Variants in BDP1 observed in about 807,000 individuals in gnomAD.
BDP1 encodes BDP1 general transcription factor IIIB subunit, also known as transcription factor TFIIIB component B'' homolog.
A neutral mutation model predicts 266.6 loss-of-function variants in BDP1; 169 were observed. The ratio of observed to expected loss-of-function variants is 0.63; its 90% confidence interval spans 0.56 to 0.72. The LOEUF is 0.72. BDP1 is among the 30% of genes least tolerant of loss of function. BDP1 has a pLI of 0.00. For synonymous variants in BDP1, 1,090 were observed against 1,022.4 expected, an observed-to-expected ratio of 1.07 and a Z score of -1.26; for missense variants, 3,015 against 3,053.8, an observed-to-expected ratio of 0.99 and a Z score of 0.30.
chr5:71,522,624 G>A, intron 23 of BDP1, 132 bp from the exon 24 acceptor site: 8 of 1,175,502 alleles, frequency 6.8e-6, no homozygotes, highest in Non-Finnish European at 9.6e-6. Context: ...TGACTTTCTA[G>A]TGTTGTAAAA....
In BDP1 at chr5:71,548,733, C is replaced by G. The variant is rs1742515004; in HGVS notation, c.6796C>G (p.Gln2266Glu). The change falls in exon 33 of 39, where the codon CAA becomes GAA. Residue 2266 changes from glutamine (Q) to glutamate (E), a missense_variant. Transcript: ENST00000358731. ...CCAACAAGAGAATATAATCAATCCTCAAGACCTAACAGGTATGATAATATG... is the reference window on the plus strand; with the variant it reads ...CCAACAAGAGAATATAATCAATCCTGAAGACCTAACAGGTATGATAATATG... Reference protein sequence around the residue: ...EVQQENIINPQDLTVNLVANV... With the variant: ...EVQQENIINPEDLTVNLVANV... 6.3e-7 allele frequency: 1 copy of G among 1,598,062 alleles called. No homozygotes were observed. Among genetic ancestry groups the G allele is most frequent in the South Asian group, 1.1e-5 (1 of 90,510 alleles).
At position 71,513,591 on chromosome 5, in the gene BDP1, A is replaced by G. The variant is rs572631515; in HGVS notation, c.4470+184A>G. Reference sequence around the variant, plus strand: ...CACATAATTTGTGTAAGAATCTCAGATATCTGATAATGGGCAAACGTGTTG... The same window carrying G: ...CACATAATTTGTGTAAGAATCTCAGGTATCTGATAATGGGCAAACGTGTTG... On this transcript the variant is annotated intron_variant, in intron 19 of 38. Coordinates refer to ENST00000358731, the MANE Select transcript of BDP1 (RefSeq NM_018429.3). 3.9e-5 allele frequency among the ~76,000 whole-genome samples: 6 copies of G among 152,244 alleles called. No homozygotes were observed. In the South Asian group the frequency reaches 1.2e-3, roughly 32 times the overall value.
rs774136753 is a variant in BDP1, at chr5:71,524,285, G to A, written c.5734G>A (p.Glu1912Lys). ...TGTACCTGTTGGTCTCAGATCTCCT[G>A]AACCTGTTTCTGCTCAGATTGAGGA... ...VFVPVGLRSP[E>K]PVSAQIEETM... The change falls in exon 25 of 39, where the codon GAA becomes AAA. Residue 1912 changes from glutamate (E) to lysine (K), a missense_variant. Physicochemically the swap from Glu to Lys is moderately conservative, Grantham distance 56. Transcript: ENST00000358731. The A allele has an allele frequency of 1.2e-6, 2 of 1,605,964 alleles. No homozygotes were observed. The highest frequency in any genetic ancestry group is 1.7e-6 in the Non-Finnish European group (2 of 1,173,114).
At chr5:71,487,563 C>T (rs531204226) in intron 9 of BDP1, among the ~76,000 whole-genome samples, 1 of 152,128 alleles carries the variant, frequency 6.6e-6, no homozygotes, top group African/African-American at 2.4e-5. Flanking sequence ...GTTTTAATCA[C>T]CAAGAAACAG....
chr5:71,513,079 A>T, intron 18 of BDP1, 106 bp from the exon 19 acceptor site: 3 of 719,274 alleles, frequency 4.2e-6, no homozygotes, highest in South Asian at 4.2e-5. Context: ...AAAAAAAAAA[A>T]AAAAAAAAAT....
In BDP1 at chr5:71,479,569, C is replaced by T. The variant is rs993195855; in HGVS notation, c.1015-4273C>T. Among the ~76,000 whole-genome samples the T allele has an allele frequency of 3.4e-5, 5 of 149,032 alleles. No individual in the cohort carries two copies. In the South Asian group the frequency reaches 6.4e-4, roughly 19 times the overall value. ...TTTTTCTTTTTCTTTTTTTTTGAGGCGGAGTCTCGCTCTTTTGCCCAGGCC... is the reference window on the plus strand; with the variant it reads ...TTTTTCTTTTTCTTTTTTTTTGAGGTGGAGTCTCGCTCTTTTGCCCAGGCC... On this transcript the variant is annotated intron_variant, in intron 7 of 38. Coordinates refer to ENST00000358731, the MANE Select transcript of BDP1 (RefSeq NM_018429.3).
chr5:71,563,182 C>G (rs1048584829), intron 38 of BDP1, among the ~76,000 whole-genome samples: 11 of 152,146 alleles, frequency 7.2e-5, no homozygotes, highest in African/African-American at 1.7e-4. Flanking sequence ...CTCACTCACT[C>G]TGTCACCCAG....
At chr5:71,537,141 CAAAAAACCA>C (rs1232851699) in intron 26 of BDP1, among the ~76,000 whole-genome samples, 2 of 46,162 alleles carry the variant, frequency 4.3e-5, no homozygotes, top group East Asian at 5.7e-4. Flanking sequence ...GCCAAAAAAC[CAAAAAACCA>C]AAAAAAAAAA....
chr5:71,577,866 C>T, the BDP1 span, among the ~76,000 whole-genome samples: 45 of 152,186 alleles, frequency 3.0e-4, no homozygotes, highest in Non-Finnish European at 6.0e-4. Flanking sequence ...AGAATGAAAG[C>T]TACCCAGCCT....
At chr5:71,480,666 A>C (rs947622068) in intron 7 of BDP1, among the ~76,000 whole-genome samples, 1 of 151,024 alleles carries the variant, frequency 6.6e-6, no homozygotes, top group African/African-American at 2.4e-5. Flanking sequence ...TCCTGGGTTC[A>C]GGTGATTCTT....
At chr5:71,476,582 C>T (rs535825523) in intron 7 of BDP1, among the ~76,000 whole-genome samples, 1 of 151,940 alleles carries the variant, frequency 6.6e-6, no homozygotes, top group East Asian at 1.9e-4. Flanking sequence ...GCTCTGTCAT[C>T]CAGGCTGGAG....
At chr5:71,480,277 A>ATTTTTTTTTTTT (rs552593030) in intron 7 of BDP1, among the ~76,000 whole-genome samples, 11 of 105,012 alleles carry the variant, frequency 1.0e-4, no homozygotes, top group African/African-American at 3.3e-4. Flanking sequence ...TGCCCAGCTA[A>ATTTTTTTTTTTT]TTTTTTTTTT....
intron 3 of BDP1, among the ~76,000 whole-genome samples, chr5:71,463,668 A>G (rs1761710168): frequency 6.6e-6 from 1 of 151,936 alleles, no homozygotes; most frequent in South Asian, 2.1e-4. Context: ...CAAAAAATTA[A>G]AAGACAAAAA....
In BDP1 at chr5:71,544,397, TA is replaced by T; in HGVS notation, c.6458del (p.Asn2153ThrfsTer31). On this transcript the variant is annotated frameshift_variant, in exon 31 of 39. Coordinates refer to ENST00000358731, the MANE Select transcript of BDP1 (RefSeq NM_018429.3). LOFTEE classifies it high-confidence loss of function. ...CTTCCAAAGCAACAGAATTGGAAAA[TA>T]AAAACCTCGGACCAGTTACAACAGC... ...NASKATELEN[K>X]NLGPVTTAEN... 6.2e-7 allele frequency: 1 copy of T among 1,612,872 alleles called. No individual in the cohort carries two copies. Among genetic ancestry groups the T allele is most frequent in the Non-Finnish European group, 8.5e-7 (1 of 1,179,680 alleles).
At chr5:71,517,941 C>T (rs190404941) in intron 22 of BDP1, among the ~76,000 whole-genome samples, 25 of 152,150 alleles carry the variant, frequency 1.6e-4, no homozygotes, top group African/African-American at 6.0e-4. Context: ...AGTTTATAAC[C>T]TACTGACTAA....
intron 10 of BDP1, 99 bp from the exon 11 acceptor site, chr5:71,490,885 G>A: frequency 8.1e-7 from 1 of 1,230,700 alleles, no homozygotes; most frequent in Non-Finnish European, 1.1e-6. Flanking sequence ...GTTGCTTAAG[G>A]TTTTGTAGGA....
chr5:71,539,224 G>A, intron 27 of BDP1, 146 bp downstream of exon 27: 1 of 597,680 alleles, frequency 1.7e-6, no homozygotes, highest in Non-Finnish European at 2.9e-6. Flanking sequence ...TGAGAAATGT[G>A]GATTCTTGGA....
chr5:71,464,286 A>C (rs1385143442), intron 4 of BDP1, among the ~76,000 whole-genome samples, 169 bp downstream of exon 4: 3 of 152,020 alleles, frequency 2.0e-5, no homozygotes, highest in African/African-American at 7.2e-5. Context: ...GCCAGAAGCC[A>C]GGAGTTGAGA....
At position 71,542,198 on chromosome 5, in the gene BDP1, G is replaced by C. The variant is rs766958325; in HGVS notation, c.6345G>C (p.Arg2115Ser). ...TTGAGAAGACTTTAGGGACCAACAGGCTTGATGATTATCAGGAAGTTTCCA... is the reference window on the plus strand; with the variant it reads ...TTGAGAAGACTTTAGGGACCAACAGCCTTGATGATTATCAGGAAGTTTCCA... Reference protein sequence around the residue: ...PNLEKTLGTNRLDDYQEVSSL... With the variant: ...PNLEKTLGTNSLDDYQEVSSL... Residue 2115 changes from arginine to serine, a missense_variant, in exon 30 of 39, where the codon AGG becomes AGC. Physicochemically the swap from Arg to Ser is moderately radical, Grantham distance 110. This residue lies in a region of BDP1 where 629 missense variants were observed against 632.5 expected (regional missense o/e 0.99). Coordinates refer to ENST00000358731, the MANE Select transcript of BDP1 (RefSeq NM_018429.3). 3.1e-6 allele frequency: 5 copies of C among 1,613,440 alleles called. No individual in the cohort carries two copies. Among genetic ancestry groups the C allele is most frequent in the South Asian group, 1.1e-5 (1 of 90,924 alleles).
Sources: gnomAD v4.1 joint callset for allele counts (sites outside exome capture counted in the v4.1 genomes callset) on GRCh38, gnomAD v4.1.1 for gene constraint, gnomAD v4.1.1 regional missense constraint, MANE v1.5 for transcripts, NCBI Gene and HGNC (gene_info 2026-07-23, HGNC 2026-07-21) for gene names.